The following PPARGC1A variants were observed in gnomAD, a reference collection of about 807,000 sequenced individuals.
PPARGC1A encodes the protein peroxisome proliferator-activated receptor gamma coactivator 1-alpha.
PPARGC1A carries 25 observed loss-of-function variants against 88.7 expected under a neutral mutation model. The observed-to-expected ratio is 0.28, with a 90% confidence interval of 0.21 to 0.39. The LOEUF is 0.39. PPARGC1A is among the 10% of genes least tolerant of loss of function. The pLI, the probability that PPARGC1A is intolerant of heterozygous loss-of-function variation, is 1.00. For synonymous variants in PPARGC1A, 363 were observed against 355.6 expected, an observed-to-expected ratio of 1.02 and a Z score of -0.24; for missense variants, 880 against 968.7, an observed-to-expected ratio of 0.91 and a Z score of 1.22.
At chr4:23,872,633 A>G (rs955639234) in intron 2 of PPARGC1A, among the ~76,000 whole-genome samples, 3 of 152,136 alleles carry the variant, frequency 2.0e-5, no homozygotes, top group Non-Finnish European at 4.4e-5. Context: ...ACTTCCTCAA[A>G]CAGACAGCTT....
At chr4:24,347,578 T>G in the PPARGC1A span, among the ~76,000 whole-genome samples, 1 of 152,204 alleles carries the variant, frequency 6.6e-6, no homozygotes, top group African/African-American at 2.4e-5. Flanking sequence ...TAGCTACCCC[T>G]GCTCGCTTTT....
chr4:24,091,909 C>A, the PPARGC1A span, among the ~76,000 whole-genome samples: 4 of 140,798 alleles, frequency 2.8e-5, no homozygotes, highest in Non-Finnish European at 6.0e-5. Flanking sequence ...TGTGTGCTCC[C>A]GTCTTCTCCT....
chr4:23,976,952 G>C, the PPARGC1A span, among the ~76,000 whole-genome samples: 1 of 151,638 alleles, frequency 6.6e-6, no homozygotes, highest in African/African-American at 2.4e-5. Flanking sequence ...GGAAGAAGAA[G>C]GAAGAAGAGG....
intron 1 of PPARGC1A, among the ~76,000 whole-genome samples, chr4:23,887,922 C>T (rs1717186930): frequency 1.3e-5 from 2 of 152,130 alleles, no homozygotes; most frequent in Admixed American, 6.5e-5. Context: ...CTCTATCAAT[C>T]TTAGTAACCT....
the PPARGC1A span, among the ~76,000 whole-genome samples, chr4:23,910,417 ATAT>A: frequency 3.4e-5 from 4 of 117,704 alleles, no homozygotes; most frequent in East Asian, 2.1e-4. Context: ...AACCCTATAT[ATAT>A]TATTAATATA....
chr4:24,451,186 T>G, the PPARGC1A span, among the ~76,000 whole-genome samples: 1 of 152,230 alleles, frequency 6.6e-6, no homozygotes, highest in Non-Finnish European at 1.5e-5. Context: ...CTTTGATGTC[T>G]GCATAAAAAT....
intron 3 of PPARGC1A, among the ~76,000 whole-genome samples, chr4:23,831,329 A>G (rs1724961461): frequency 6.6e-6 from 1 of 152,322 alleles, no homozygotes; most frequent in South Asian, 2.1e-4. Flanking sequence ...ACACACACAT[A>G]ACAGCAAAAG....
At chr4:24,436,978 C>T in the PPARGC1A span, among the ~76,000 whole-genome samples, 1 of 152,194 alleles carries the variant, frequency 6.6e-6, no homozygotes, top group Non-Finnish European at 1.5e-5. Context: ...TCTAGGGAGA[C>T]CTCAGCTGAG....
chr4:24,271,694 T>C, the PPARGC1A span, among the ~76,000 whole-genome samples: 1 of 152,164 alleles, frequency 6.6e-6, no homozygotes, highest in East Asian at 1.9e-4. Flanking sequence ...CCTTTTACTT[T>C]CTAGTCATAT....
the PPARGC1A span, among the ~76,000 whole-genome samples, chr4:24,351,775 T>G: frequency 6.6e-6 from 1 of 152,160 alleles, no homozygotes; most frequent in African/African-American, 2.4e-5. Flanking sequence ...TGGGGCATAG[T>G]GTACTCTGAC....
the PPARGC1A span, among the ~76,000 whole-genome samples, chr4:24,025,786 A>T: frequency 6.6e-6 from 1 of 152,296 alleles, no homozygotes; most frequent in South Asian, 2.1e-4. Context: ...GTTGCTCTCG[A>T]CTGACCTAAA....
the PPARGC1A span, among the ~76,000 whole-genome samples, chr4:24,424,599 A>T: frequency 6.6e-6 from 1 of 152,046 alleles, no homozygotes; most frequent in African/African-American, 2.4e-5. Flanking sequence ...TTAAGTAAAC[A>T]TCTGGAAATC....
At chr4:24,083,109 T>C in the PPARGC1A span, among the ~76,000 whole-genome samples, 4 of 152,158 alleles carry the variant, frequency 2.6e-5, no homozygotes, top group Non-Finnish European at 5.9e-5. Context: ...ACACATGACT[T>C]GAGCCTGCTC....
chr4:23,907,254 C>A (rs745764762), upstream of PPARGC1A, among the ~76,000 whole-genome samples: 5 of 152,138 alleles, frequency 3.3e-5, no homozygotes, highest in Non-Finnish European at 1.5e-5. Flanking sequence ...AAACATAAAC[C>A]ACTGATTATA....
In PPARGC1A at chr4:23,888,100, C is replaced by T. The variant is rs73243625; in HGVS notation, c.54+1804G>A. Reference sequence around the variant, plus strand: ...TGATTCAAAAAATGAAAACTGCCAACGCTACCTGCTGCTCGTAATATTTTA... The same window carrying T: ...TGATTCAAAAAATGAAAACTGCCAATGCTACCTGCTGCTCGTAATATTTTA... On this transcript the variant is annotated intron_variant, in intron 1 of 12. Transcript: ENST00000264867. 6.9e-3 allele frequency among the ~76,000 whole-genome samples: 1,058 copies of T among 152,310 alleles called. 7 individuals carry two copies. The highest frequency in any genetic ancestry group is 0.012 in the Non-Finnish European group (804 of 68,026).
chr4:23,911,698 T>G, the PPARGC1A span, among the ~76,000 whole-genome samples: 4 of 152,326 alleles, frequency 2.6e-5, no homozygotes, highest in Admixed American at 2.0e-4. Flanking sequence ...GAAATTGTGA[T>G]AAGTCAATAT....
At chr4:24,386,431 A>G in the PPARGC1A span, among the ~76,000 whole-genome samples, 3 of 152,200 alleles carry the variant, frequency 2.0e-5, no homozygotes, top group African/African-American at 7.2e-5. Flanking sequence ...GTATTCAAAT[A>G]GGAAGAAAGG....
chr4:24,122,385 ATGTGTGTGTGTG>A, the PPARGC1A span, among the ~76,000 whole-genome samples: 1 of 105,920 alleles, frequency 9.4e-6, no homozygotes, highest in African/African-American at 3.3e-5. Flanking sequence ...GTGTATGCGT[ATGTGTGTGTGTG>A]TGTGTGTGTG....
intron 7 of PPARGC1A, among the ~76,000 whole-genome samples, chr4:23,817,703 T>G (rs895230247): frequency 6.6e-6 from 1 of 152,106 alleles, no homozygotes; most frequent in African/African-American, 2.4e-5. Context: ...AGAAAAATAA[T>G]TTGGCTAATT....
Sources: gnomAD v4.1 joint callset for allele counts (sites outside exome capture counted in the v4.1 genomes callset) on GRCh38, gnomAD v4.1.1 for gene constraint, MANE v1.5 for transcripts, NCBI Gene and HGNC (gene_info 2026-07-23, HGNC 2026-07-21) for gene names.